SIPA1L1: variants seen among roughly 807,000 people sequenced by gnomAD.
SIPA1L1 encodes signal-induced proliferation-associated 1-like protein 1.
Under a neutral mutation model 162.7 loss-of-function variants are expected in SIPA1L1, and 26 were observed. The ratio of observed to expected loss-of-function variants is 0.16; its 90% CI spans 0.12 to 0.22. The LOEUF (loss-of-function observed/expected upper bound fraction) is 0.22. Among genes scored for constraint, SIPA1L1 ranks in the 10% least tolerant of loss-of-function variants. The pLI is 1.00. For synonymous variants in SIPA1L1, 829 were observed against 837.4 expected, an observed-to-expected ratio of 0.99 and a Z score of 0.17; for missense variants, 1,874 against 2,241.0, an observed-to-expected ratio of 0.84 and a Z score of 3.31.
chr14:71,550,722 A>T (rs577603217), intron 4 of SIPA1L1, among the ~76,000 whole-genome samples: 1 of 152,080 alleles, frequency 6.6e-6, no homozygotes, highest in South Asian at 2.1e-4. Flanking sequence ...ATTTCCAATT[A>T]CTTTTCTGAT....
chr14:71,718,682 C>G (rs1277979727), intron 17 of SIPA1L1, among the ~76,000 whole-genome samples: 3 of 152,092 alleles, frequency 2.0e-5, no homozygotes, highest in Non-Finnish European at 4.4e-5. Flanking sequence ...AAAATAATAG[C>G]CTTATTTTGT....
At position 71,738,134 on chromosome 14, in the gene SIPA1L1, C is replaced by A. The variant is rs550180194; in HGVS notation, c.5124-107C>A. 12 of 590,190 alleles carry A rather than the reference C, an allele frequency of 2.0e-5. No homozygotes were observed. In the East Asian group the frequency reaches 3.2e-4, roughly 16 times the overall value. The allele number at this position is 590,190 out of a possible 1,614,324, so 36.6% of individuals were successfully genotyped here. ...TACTGAGTAATTTGACATTGAAAAC[C>A]ATTTTATAAATACAGCCTCCTCAGA... On this transcript the variant is annotated intron_variant, in intron 22 of 23. Transcript: ENST00000381232.
intron 4 of SIPA1L1, among the ~76,000 whole-genome samples, chr14:71,580,386 C>G (rs544589317): frequency 6.6e-6 from 1 of 152,118 alleles, no homozygotes; most frequent in Non-Finnish European, 1.5e-5. Context: ...CTGTGCTCTG[C>G]GTAGGTACCC....
At chr14:71,686,080 G>A (rs2046267843) in intron 13 of SIPA1L1, among the ~76,000 whole-genome samples, 1 of 152,172 alleles carries the variant, frequency 6.6e-6, no homozygotes, top group South Asian at 2.1e-4. Flanking sequence ...GGATTATGCG[G>A]AAGGAAAACT....
intron 2 of SIPA1L1, among the ~76,000 whole-genome samples, chr14:71,473,286 CATAAT>C (rs1446472480): frequency 2.6e-5 from 4 of 151,970 alleles, no homozygotes; most frequent in Admixed American, 1.3e-4. Flanking sequence ...ATAATTATAA[CATAAT>C]ATATAACTGT....
intron 13 of SIPA1L1, among the ~76,000 whole-genome samples, chr14:71,694,238 G>A (rs927362731): frequency 8.5e-5 from 13 of 152,230 alleles, no homozygotes; most frequent in South Asian, 4.1e-4. Flanking sequence ...GTGTGTGTGC[G>A]TGTGTGTATG....
At chr14:71,453,214 C>G (rs907387065) in intron 2 of SIPA1L1, among the ~76,000 whole-genome samples, 1 of 152,138 alleles carries the variant, frequency 6.6e-6, no homozygotes, top group African/African-American at 2.4e-5. Context: ...CCAATAATGA[C>G]TCATCCCTTC....
intron 2 of SIPA1L1, among the ~76,000 whole-genome samples, chr14:71,405,430 G>T (rs1227280743): frequency 1.3e-5 from 2 of 152,120 alleles, no homozygotes; most frequent in African/African-American, 2.4e-5. Context: ...AAGAAACTTG[G>T]CTCCTACTCT....
chr14:71,713,907 A>G (rs1337498486), intron 17 of SIPA1L1, among the ~76,000 whole-genome samples: 1 of 151,862 alleles, frequency 6.6e-6, no homozygotes, highest in African/African-American at 2.4e-5. Context: ...CTAACAATTA[A>G]TTGCCTCTCT....
At chr14:71,609,051 T>C (rs1321447572) in intron 5 of SIPA1L1, among the ~76,000 whole-genome samples, 1 of 152,216 alleles carries the variant, frequency 6.6e-6, no homozygotes, top group African/African-American at 2.4e-5. Flanking sequence ...ATACTCCTTT[T>C]TAAAATAAAT....
intron 4 of SIPA1L1, among the ~76,000 whole-genome samples, chr14:71,548,947 A>C (rs962012106): frequency 4.0e-5 from 6 of 151,888 alleles, no homozygotes; most frequent in Non-Finnish European, 5.9e-5. Flanking sequence ...GATATAGCTT[A>C]AAGTTTATTT....
chr14:71,555,990 G>T (rs1369284648), intron 4 of SIPA1L1, among the ~76,000 whole-genome samples: 1 of 152,136 alleles, frequency 6.6e-6, no homozygotes, highest in Non-Finnish European at 1.5e-5. Flanking sequence ...GACAAAGTTT[G>T]ACATATTGTG....
At chr14:71,596,620 G>A (rs1380500495) in intron 5 of SIPA1L1, among the ~76,000 whole-genome samples, 1 of 152,124 alleles carries the variant, frequency 6.6e-6, no homozygotes, top group African/African-American at 2.4e-5. Context: ...TCTATTTTGT[G>A]CCAGATACAG....
At chr14:71,483,184 A>G (rs1323104793) in intron 2 of SIPA1L1, among the ~76,000 whole-genome samples, 2 of 152,172 alleles carry the variant, frequency 1.3e-5, no homozygotes, top group Non-Finnish European at 2.9e-5. Context: ...AAATCTAAAT[A>G]TTTGTTTTAG....
chr14:71,730,157 A>C lies in SIPA1L1; in HGVS notation c.4717A>C (p.Arg1573=). Residue 1573 remains arginine (R), a synonymous_variant, in exon 20 of 24, where the codon AGG becomes CGG. Transcript: ENST00000381232. ...LSDESIYNSQ[R]EHFFTSRASL... is the part of the protein sequence containing the mutation. Reference sequence around the variant, plus strand: ...GGACGAGAGCATTTACAATAGCCAGAGGGAGCACTTTTTCACCTCCAGGGC... The same window carrying C: ...GGACGAGAGCATTTACAATAGCCAGCGGGAGCACTTTTTCACCTCCAGGGC... The C allele has an allele frequency of 3.1e-6, 5 of 1,614,166 alleles. No individual in the cohort carries two copies. Among genetic ancestry groups the C allele is most frequent in the Non-Finnish European group, 4.2e-6 (5 of 1,180,022 alleles).
chr14:71,470,159 C>T (rs181540772), intron 2 of SIPA1L1, among the ~76,000 whole-genome samples: 1 of 152,240 alleles, frequency 6.6e-6, no homozygotes, highest in East Asian at 1.9e-4. Flanking sequence ...TTGGGTAGGG[C>T]CTTATGTTAT....
intron 2 of SIPA1L1, among the ~76,000 whole-genome samples, chr14:71,413,314 T>G: frequency 6.6e-6 from 1 of 152,212 alleles, no homozygotes; most frequent in East Asian, 1.9e-4. Context: ...TGTTGTTGTT[T>G]TTTCTTCTAT....
At chr14:71,405,754 CTGTAATGA>C (rs1477704651) in intron 2 of SIPA1L1, among the ~76,000 whole-genome samples, 3 of 152,288 alleles carry the variant, frequency 2.0e-5, no homozygotes, top group African/African-American at 7.2e-5. Context: ...ACTGCTACTG[CTGTAATGA>C]TGTCTTTTAT....
chr14:71,471,561 C>G (rs974825659), intron 2 of SIPA1L1, among the ~76,000 whole-genome samples: 15 of 152,188 alleles, frequency 9.9e-5, no homozygotes, highest in African/African-American at 3.6e-4. Context: ...GGTCCTTTCC[C>G]TCTAGATGCT....
Sources: gnomAD v4.1 joint callset for allele counts (sites outside exome capture counted in the v4.1 genomes callset) on GRCh38, gnomAD v4.1.1 for gene constraint, MANE v1.5 for transcripts, NCBI Gene and HGNC (gene_info 2026-07-23, HGNC 2026-07-21) for gene names.